GRB14: variants seen among roughly 807,000 people sequenced by gnomAD.
GRB14 encodes the protein growth factor receptor-bound protein 14.
A neutral mutation model predicts 69.1 loss-of-function variants in GRB14; 38 were observed. The ratio of observed to expected loss-of-function variants is 0.55; its 90% confidence interval spans 0.42 to 0.72. The LOEUF (loss-of-function observed/expected upper bound fraction) is 0.72. GRB14 is among the 30% of genes least tolerant of loss of function. The probability of loss-of-function intolerance (pLI) is 0.00; values close to 1 mark genes in which losing one functional copy is unlikely to be tolerated. For synonymous variants in GRB14, 247 were observed against 241.3 expected, an observed-to-expected ratio of 1.02 and a Z score of -0.22; for missense variants, 666 against 666.1, an observed-to-expected ratio of 1.00 and a Z score of 0.00.
chr2:164,613,016 G>T (rs533755660), intron 2 of GRB14, among the ~76,000 whole-genome samples: 43 of 152,296 alleles, frequency 2.8e-4, no homozygotes, highest in Admixed American at 4.6e-4. Context: ...ACCTGAGTTG[G>T]TAATTCCTGT....
chr2:164,593,821 C>T (rs568639657), intron 2 of GRB14, among the ~76,000 whole-genome samples: 4 of 152,176 alleles, frequency 2.6e-5, no homozygotes, highest in African/African-American at 9.6e-5. Context: ...CACAGTTGGC[C>T]ACTTGGAAGT....
At chr2:164,620,783 T>C (rs1690439059) in intron 1 of GRB14, among the ~76,000 whole-genome samples, 1 of 152,154 alleles carries the variant, frequency 6.6e-6, no homozygotes, top group Non-Finnish European at 1.5e-5. Flanking sequence ...TTTTTTAAAA[T>C]ATATAAAATA....
chr2:164,590,773 A>G (rs1291561909), intron 2 of GRB14, among the ~76,000 whole-genome samples: 1 of 152,230 alleles, frequency 6.6e-6, no homozygotes, highest in Non-Finnish European at 1.5e-5. Context: ...TAAATAAGAT[A>G]CAATCATTTT....
chr2:164,560,788 T>C (rs1455852702), intron 2 of GRB14, among the ~76,000 whole-genome samples: 1 of 152,168 alleles, frequency 6.6e-6, no homozygotes, highest in East Asian at 1.9e-4. Flanking sequence ...AGCCTGAATG[T>C]ATACGTTCAA....
In GRB14 at chr2:164,532,196, T is replaced by C. The variant is rs72874804; in HGVS notation, c.482-5061A>G. ...ACATTTCAAACGTGTATGGAACTCA[T>C]TGATAAAAACTGCATTGATTATTTT... On this transcript the variant is annotated intron_variant, in intron 3 of 13. Transcript: ENST00000263915. Among the ~76,000 whole-genome samples the C allele has an allele frequency of 7.7e-3, 1,177 of 152,262 alleles. 8 individuals are homozygous for C. Among genetic ancestry groups the C allele is most frequent in the Non-Finnish European group, 0.012 (815 of 68,026 alleles).
chr2:164,558,088 A>G (rs1688724769), intron 2 of GRB14, among the ~76,000 whole-genome samples: 1 of 152,138 alleles, frequency 6.6e-6, no homozygotes, highest in Admixed American at 6.5e-5. Context: ...ACCAAGAGAA[A>G]AAAAGCCTGC....
intron 2 of GRB14, among the ~76,000 whole-genome samples, chr2:164,560,638 T>C (rs1212464919): frequency 6.6e-6 from 1 of 152,114 alleles, no homozygotes; most frequent in Non-Finnish European, 1.5e-5. Context: ...CAGGAACCTT[T>C]CCTGGAACTC....
chr2:164,513,818 A>C, intron 6 of GRB14, among the ~76,000 whole-genome samples: 1 of 152,234 alleles, frequency 6.6e-6, no homozygotes, highest in South Asian at 2.1e-4. Flanking sequence ...TGTCATTGAC[A>C]ACTATAGATG....
At chr2:164,559,329 G>A (rs1023727288) in intron 2 of GRB14, among the ~76,000 whole-genome samples, 1 of 151,880 alleles carries the variant, frequency 6.6e-6, no homozygotes, top group African/African-American at 2.4e-5. Flanking sequence ...TTGGGGTACA[G>A]GTGGTATTTG....
In GRB14 at chr2:164,509,894, A is replaced by G. The variant is rs565705730; in HGVS notation, c.817-1042T>C. Among the ~76,000 whole-genome samples the G allele has an allele frequency of 7.2e-5, 11 of 152,014 alleles. No individual in the cohort carries two copies. The South Asian group carries it at 2.1e-3, about 29-fold the overall frequency. On this transcript the variant is annotated intron_variant, in intron 6 of 13. Coordinates refer to ENST00000263915, the MANE Select transcript of GRB14 (RefSeq NM_004490.3). ...CCAAAAGAATCTTTCATTGTCATTT[A>G]CCGGTGTTATTCCACCTCTGATAAC...
At chr2:164,572,179 T>C (rs1444256972) in intron 2 of GRB14, among the ~76,000 whole-genome samples, 2 of 152,152 alleles carry the variant, frequency 1.3e-5, no homozygotes, top group Non-Finnish European at 2.9e-5. Context: ...CAAAAGTAAT[T>C]GGGGTTTTTA....
chr2:164,527,510 T>C (rs922212616), intron 3 of GRB14, among the ~76,000 whole-genome samples: 2 of 151,824 alleles, frequency 1.3e-5, no homozygotes, highest in African/African-American at 2.4e-5. Flanking sequence ...CTCTGACTCA[T>C]CATGGTGCCA....
intron 8 of GRB14, among the ~76,000 whole-genome samples, chr2:164,505,837 T>C (rs1687174884): frequency 6.6e-6 from 1 of 152,204 alleles, no homozygotes; most frequent in Non-Finnish European, 1.5e-5. Flanking sequence ...ATCATCATTT[T>C]ATTGGCATCA....
intron 3 of GRB14, among the ~76,000 whole-genome samples, chr2:164,541,617 A>C (rs1409585049): frequency 6.6e-6 from 1 of 151,928 alleles, no homozygotes; most frequent in Non-Finnish European, 1.5e-5. Context: ...TCTCTAAAAA[A>C]AATTAAATAA....
In GRB14 at chr2:164,613,216, G is replaced by A. The variant is rs1243014024; in HGVS notation, c.324+6471C>T. 3.3e-5 allele frequency among the ~76,000 whole-genome samples: 5 copies of A among 152,172 alleles called. No individual in the cohort carries two copies. In the South Asian group the frequency reaches 1.0e-3, roughly 32 times the overall value. The stretch of plus-strand genomic sequence containing the variant: ...GTTAAGTCAAATAAACCAATTGGTG[G>A]ATCATCATATATCATACAAATATGA... On this transcript the variant is annotated intron_variant, in intron 2 of 13. Coordinates refer to ENST00000263915, the MANE Select transcript of GRB14 (RefSeq NM_004490.3).
In GRB14 at chr2:164,525,755, G is replaced by T. The variant is rs193231506; in HGVS notation, c.604-677C>A. Among the ~76,000 whole-genome samples, 11 of 152,134 alleles carry T rather than the reference G, an allele frequency of 7.2e-5. No homozygotes were observed. In the East Asian group the frequency reaches 1.7e-3, roughly 24 times the overall value. Reference sequence around the variant, plus strand: ...ATTCTACTATATTTCCTCTAGGACAGGGTTTTTCAACAGTAGTTCTACTAA... The same window carrying T: ...ATTCTACTATATTTCCTCTAGGACATGGTTTTTCAACAGTAGTTCTACTAA... On this transcript the variant is annotated intron_variant, in intron 4 of 13. Transcript: ENST00000263915.
intron 3 of GRB14, chr2:164,539,983 T>G (rs1186733619): frequency 6.6e-6 from 1 of 152,208 alleles, no homozygotes; most frequent in Non-Finnish European, 1.5e-5. Context: ...CATCATATTC[T>G]TCTCTGACTC....
intron 3 of GRB14, among the ~76,000 whole-genome samples, chr2:164,534,398 T>G (rs1459942457): frequency 6.6e-6 from 1 of 152,148 alleles, no homozygotes; most frequent in East Asian, 1.9e-4. Context: ...GTTAATCACA[T>G]CTCACATAAA....
chr2:164,561,174 T>A (rs1258759659), intron 2 of GRB14, among the ~76,000 whole-genome samples: 1 of 152,058 alleles, frequency 6.6e-6, no homozygotes, highest in Admixed American at 6.6e-5. Flanking sequence ...GCAACTGTAC[T>A]CATGGGGGTT....
Sources: gnomAD v4.1 joint callset for allele counts (sites outside exome capture counted in the v4.1 genomes callset) on GRCh38, gnomAD v4.1.1 for gene constraint, MANE v1.5 for transcripts, NCBI Gene and HGNC (gene_info 2026-07-23, HGNC 2026-07-21) for gene names.